The following GLRA2 variants were observed in gnomAD, a reference collection of about 807,000 sequenced individuals.
The protein encoded by GLRA2 is glycine receptor alpha 2.
GLRA2 carries 11 observed loss-of-function variants against 31.6 expected under a neutral mutation model. That is an observed-to-expected ratio of 0.35 (90% CI 0.22 to 0.58). The LOEUF is 0.58. Ranked by LOEUF, GLRA2 falls within the 20% of genes least tolerant of loss-of-function variation. The probability of loss-of-function intolerance (pLI) is 0.84; values close to 1 mark genes in which losing one functional copy is unlikely to be tolerated. For synonymous variants in GLRA2, 132 were observed against 134.0 expected, an observed-to-expected ratio of 0.99 and a Z score of 0.10; for missense variants, 212 against 351.8, an observed-to-expected ratio of 0.60 and a Z score of 3.18.
chrX:14,690,800 G>A lies in GLRA2; in HGVS notation c.1021G>A (p.Val341Ile), dbSNP rs767736635. The A allele has an allele frequency of 1.7e-5, 20 of 1,202,037 alleles. No individual in the cohort carries two copies. Among genetic ancestry groups the A allele is most frequent in the African/African-American group, 3.5e-5 (2 of 56,654 alleles). ...ALLEYAAVNF[V>I]SRQHKEFLRL... ...ACTGGAATACGCAGCGGTGAACTTCGTCTCCAGGCAACACAAGGAGTTCCT... is the reference window on the plus strand; with the variant it reads ...ACTGGAATACGCAGCGGTGAACTTCATCTCCAGGCAACACAAGGAGTTCCT... The change falls in exon 8 of 9, where the codon GTC becomes ATC. Residue 341 changes from valine to isoleucine, a missense_variant. This residue lies in a region of GLRA2 where 110 missense variants were observed against 232.6 expected (regional missense o/e 0.47). Transcript: ENST00000218075.
chrX:14,459,836 C>T, the GLRA2 span, among the ~76,000 whole-genome samples: 2 of 112,065 alleles, frequency 1.8e-5, no homozygotes, highest in Admixed American at 9.5e-5. Flanking sequence ...ATTTGACTTT[C>T]TCTCTTCCTG....
intron 7 of GLRA2, among the ~76,000 whole-genome samples, chrX:14,675,167 T>C (rs111780752): frequency 1.8e-5 from 2 of 111,413 alleles, no homozygotes; most frequent in African/African-American, 6.5e-5. Context: ...CTTGACTCTC[T>C]CAGATGCCTA....
chrX:14,730,992 T>C lies in GLRA2; in HGVS notation c.*507T>C, dbSNP rs2091988065. On this transcript the variant is annotated 3_prime_UTR_variant, in exon 9 of 9. Coordinates refer to ENST00000218075, the MANE Select transcript of GLRA2 (RefSeq NM_002063.4). ...AACCATCTGACCATAGTGACTAGCC[T>C]ATAGTGAGTCGAGGACCAAACTTTT... 2 of 111,393 alleles carry C rather than the reference T, an allele frequency of 1.8e-5. No individual in the cohort carries two copies. Among genetic ancestry groups the C allele is most frequent in the South Asian group, 3.8e-4 (1 of 2,615 alleles). The allele number at this position is 111,393 out of a possible 1,213,427, so 9.2% of individuals were successfully genotyped here.
Position 14,675,507 on chromosome X carries a change from A to C in GLRA2, c.931-15203A>C, listed in dbSNP as rs924050535. 1.3e-4 allele frequency among the ~76,000 whole-genome samples: 15 copies of C among 111,982 alleles called. No individual in the cohort carries two copies. In the Admixed American group the frequency reaches 1.4e-3, roughly 11 times the overall value. On this transcript the variant is annotated intron_variant, in intron 7 of 8. Coordinates refer to ENST00000218075, the MANE Select transcript of GLRA2 (RefSeq NM_002063.4). ...TGGTTCCTGCAGATACCAGGCTTGGAGGCATTGCCACTCAGTGTCTGTTTC... is the reference window on the plus strand; with the variant it reads ...TGGTTCCTGCAGATACCAGGCTTGGCGGCATTGCCACTCAGTGTCTGTTTC...
intron 8 of GLRA2, among the ~76,000 whole-genome samples, chrX:14,699,628 C>G (rs1016390337): frequency 8.9e-6 from 1 of 111,794 alleles, no homozygotes; most frequent in Admixed American, 9.5e-5. Context: ...TTATCATTAA[C>G]GATTTTCACC....
the GLRA2 span, among the ~76,000 whole-genome samples, chrX:14,487,101 A>G: frequency 9.0e-6 from 1 of 110,546 alleles, no homozygotes; most frequent in African/African-American, 3.3e-5. Context: ...ATTTATGCCT[A>G]TGATATATTT....
At chrX:14,452,212 A>G in the GLRA2 span, among the ~76,000 whole-genome samples, 1 of 112,585 alleles carries the variant, frequency 8.9e-6, no homozygotes, top group Non-Finnish European at 1.9e-5. Context: ...GATTCCATTT[A>G]AGAACCACTC....
At chrX:14,453,355 G>A in the GLRA2 span, among the ~76,000 whole-genome samples, 1 of 111,329 alleles carries the variant, frequency 9.0e-6, no homozygotes, top group African/African-American at 3.3e-5. Context: ...ACTGACATTT[G>A]GTAGGTAGAG....
chrX:14,665,632 A>G (rs1295707555), intron 7 of GLRA2, among the ~76,000 whole-genome samples: 2 of 111,675 alleles, frequency 1.8e-5, no homozygotes, highest in Non-Finnish European at 3.8e-5. Context: ...AATCATCTTA[A>G]CAGTGGATAA....
intron 7 of GLRA2, among the ~76,000 whole-genome samples, chrX:14,689,146 T>C (rs2091314172): frequency 9.0e-6 from 1 of 111,687 alleles, no homozygotes; most frequent in Non-Finnish European, 1.9e-5. Context: ...AATCTCTGCT[T>C]TTATGTCCAC....
intron 7 of GLRA2, among the ~76,000 whole-genome samples, chrX:14,658,614 C>T (rs2147145704): frequency 9.0e-6 from 1 of 111,055 alleles, no homozygotes; most frequent in African/African-American, 3.3e-5. Flanking sequence ...CTTTCCAAAT[C>T]TAGTTTATTT....
At chrX:14,486,172 G>T in the GLRA2 span, among the ~76,000 whole-genome samples, 1 of 111,605 alleles carries the variant, frequency 9.0e-6, no homozygotes, top group South Asian at 3.8e-4. Context: ...CAAGAAAAGA[G>T]AGGGCCTGGA....
intron 8 of GLRA2, among the ~76,000 whole-genome samples, chrX:14,694,501 C>T (rs924931693): frequency 1.8e-5 from 2 of 111,908 alleles, no homozygotes; most frequent in African/African-American, 6.5e-5. Context: ...TGATTGGAAT[C>T]CACTAGTTAG....
the GLRA2 span, among the ~76,000 whole-genome samples, chrX:14,521,507 A>T: frequency 9.0e-6 from 1 of 111,478 alleles, no homozygotes. Flanking sequence ...TGAGAATTAC[A>T]CCATTTGCTT....
At chrX:14,644,135 G>T (rs181692413) in intron 7 of GLRA2, among the ~76,000 whole-genome samples, 84 of 111,714 alleles carry the variant, frequency 7.5e-4, no homozygotes, top group Non-Finnish European at 9.8e-4. Context: ...CACCAATCTT[G>T]CTGGATTTTC....
At chrX:14,695,795 G>A (rs958913137) in intron 8 of GLRA2, among the ~76,000 whole-genome samples, 1 of 111,830 alleles carries the variant, frequency 8.9e-6, no homozygotes, top group Non-Finnish European at 1.9e-5. Context: ...TCAGCTAAGA[G>A]TATGGTGGAA....
chrX:14,556,174 A>G (rs750706107), intron 2 of GLRA2, among the ~76,000 whole-genome samples: 237 of 111,950 alleles, frequency 2.1e-3, no homozygotes, highest in Middle Eastern at 4.7e-3. Context: ...TTCCATTATC[A>G]TAACTCCAAA....
chrX:14,513,542 CACAAGGAACTAAA>C, the GLRA2 span, among the ~76,000 whole-genome samples: 2 of 111,262 alleles, frequency 1.8e-5, no homozygotes, highest in African/African-American at 6.5e-5. Context: ...ATTCAGAATG[CACAAGGAACTAAA>C]ACAAATTAGC....
At chrX:14,466,937 A>G in the GLRA2 span, among the ~76,000 whole-genome samples, 1 of 111,733 alleles carries the variant, frequency 8.9e-6, no homozygotes, top group Non-Finnish European at 1.9e-5. Context: ...ACATGGGGAA[A>G]TGAAAGGGTT....
Sources: gnomAD v4.1 joint callset for allele counts (sites outside exome capture counted in the v4.1 genomes callset) on GRCh38, gnomAD v4.1.1 for gene constraint, gnomAD v4.1.1 regional missense constraint, MANE v1.5 for transcripts, NCBI Gene and HGNC (gene_info 2026-07-23, HGNC 2026-07-21) for gene names.